Variants in TMPRSS15 observed in about 807,000 individuals in gnomAD.
TMPRSS15 encodes enteropeptidase.
In TMPRSS15, 128 loss-of-function variants were observed where a neutral mutation model predicts 125.3. The observed-to-expected ratio is 1.02, with a 90% CI of 0.89 to 1.18. TMPRSS15 has a LOEUF of 1.18. Ranked by LOEUF, TMPRSS15 falls within the 50% of genes most tolerant of loss-of-function variation. The pLI is 0.00. For missense variants in TMPRSS15, 1,283 were observed against 1,212.7 expected, an observed-to-expected ratio of 1.06 and a Z score of -0.86; for synonymous variants, 446 against 423.2, an observed-to-expected ratio of 1.05 and a Z score of -0.66.
intron 3 of TMPRSS15, among the ~76,000 whole-genome samples, chr21:18,392,874 A>T (rs981381119): frequency 6.6e-6 from 1 of 152,068 alleles, no homozygotes; most frequent in Non-Finnish European, 1.5e-5. Context: ...AAACCATCAG[A>T]TCTCATGAGA....
At chr21:18,391,986 G>T (rs1021026456) in intron 3 of TMPRSS15, among the ~76,000 whole-genome samples, 3 of 152,202 alleles carry the variant, frequency 2.0e-5, no homozygotes, top group African/African-American at 7.2e-5. Context: ...AGCCATGGCT[G>T]GAGCTGGAGT....
chr21:18,387,497 C>G (rs2075954015), intron 3 of TMPRSS15, among the ~76,000 whole-genome samples: 1 of 151,930 alleles, frequency 6.6e-6, no homozygotes, highest in Non-Finnish European at 1.5e-5. Context: ...TTAAAATAAT[C>G]AAATGCTAAA....
At chr21:18,437,443 A>G (rs555254087) in intron 1 of TMPRSS15, among the ~76,000 whole-genome samples, 9 of 152,304 alleles carry the variant, frequency 5.9e-5, no homozygotes, top group African/African-American at 2.2e-4. Context: ...AAACACAAAA[A>G]GCAATGGTAA....
intron 3 of TMPRSS15, among the ~76,000 whole-genome samples, chr21:18,393,766 T>C (rs527794901): frequency 1.2e-4 from 18 of 152,290 alleles, no homozygotes; most frequent in African/African-American, 4.3e-4. Flanking sequence ...TTAATGTCTG[T>C]TATAAATTAG....
intron 13 of TMPRSS15, among the ~76,000 whole-genome samples, chr21:18,334,579 C>T (rs2075374265): frequency 6.6e-6 from 1 of 152,076 alleles, no homozygotes; most frequent in African/African-American, 2.4e-5. Context: ...CTTTGCATTA[C>T]CTGCCATACT....
chr21:18,366,189 T>C (rs1293735156), intron 6 of TMPRSS15, among the ~76,000 whole-genome samples: 2 of 152,206 alleles, frequency 1.3e-5, no homozygotes, highest in Non-Finnish European at 2.9e-5. Context: ...AAATTGGAGC[T>C]AGGTGAATTT....
chr21:18,380,486 G>A, intron 4 of TMPRSS15: 5 of 462,318 alleles, frequency 1.1e-5, no homozygotes, highest in Admixed American at 4.8e-5. Flanking sequence ...TTTCCTAGGT[G>A]ATAGAGTTTG....
At chr21:18,464,997 T>A (rs896082735) in intron 1 of TMPRSS15, among the ~76,000 whole-genome samples, 2 of 152,170 alleles carry the variant, frequency 1.3e-5, no homozygotes, top group African/African-American at 4.8e-5. Flanking sequence ...TGAACATCGA[T>A]GTGAAAATCC....
At chr21:18,418,639 T>C (rs1166957857) in intron 1 of TMPRSS15, among the ~76,000 whole-genome samples, 1 of 152,228 alleles carries the variant, frequency 6.6e-6, no homozygotes, top group East Asian at 1.9e-4. Context: ...ACGTATTCTT[T>C]TGCTCTATAA....
chr21:18,397,149 C>T (rs928301989), intron 3 of TMPRSS15, among the ~76,000 whole-genome samples: 3 of 151,294 alleles, frequency 2.0e-5, no homozygotes, highest in African/African-American at 4.9e-5. Flanking sequence ...TTTAACTTTC[C>T]AGTTGACTTG....
chr21:18,405,013 C>T (rs1311785878), upstream of TMPRSS15, among the ~76,000 whole-genome samples: 2 of 152,042 alleles, frequency 1.3e-5, no homozygotes, highest in Non-Finnish European at 2.9e-5. Context: ...AGGCCAGACC[C>T]TCTGATAAAA....
At chr21:18,275,432 T>C (rs1459804262) in intron 23 of TMPRSS15, 96 bp from the exon 24 acceptor site, 27 of 1,434,936 alleles carry the variant, frequency 1.9e-5, no homozygotes, top group Non-Finnish European at 2.5e-5. Flanking sequence ...AACATTTCAC[T>C]CTCATTATCA....
chr21:18,281,001 T>C, intron 22 of TMPRSS15, 39 bp downstream of exon 22: 5 of 1,588,832 alleles, frequency 3.1e-6, no homozygotes, highest in Non-Finnish European at 4.3e-6. Context: ...GAATTAATTT[T>C]GGCAGATAAG....
At chr21:18,448,411 C>A (rs923183076) in intron 1 of TMPRSS15, among the ~76,000 whole-genome samples, 4 of 152,062 alleles carry the variant, frequency 2.6e-5, no homozygotes, top group African/African-American at 9.7e-5. Flanking sequence ...CATGGGCTAA[C>A]TAAGGAAACT....
At chr21:18,467,083 A>G (rs1284441511) in intron 1 of TMPRSS15, among the ~76,000 whole-genome samples, 1 of 152,220 alleles carries the variant, frequency 6.6e-6, no homozygotes, top group Non-Finnish European at 1.5e-5. Flanking sequence ...GCAGCCATAA[A>G]AAAGGATGCG....
chr21:18,329,752 T>A (rs2075326649), intron 14 of TMPRSS15, among the ~76,000 whole-genome samples: 1 of 151,670 alleles, frequency 6.6e-6, no homozygotes, highest in Non-Finnish European at 1.5e-5. Flanking sequence ...TTATTTACAT[T>A]TAGTTCATTA....
chr21:18,303,403 G>T (rs1186224700), intron 18 of TMPRSS15, among the ~76,000 whole-genome samples: 1 of 151,842 alleles, frequency 6.6e-6, no homozygotes, highest in African/African-American at 2.4e-5. Flanking sequence ...AAGGGAGGGA[G>T]GAAAAAGGGG....
intron 1 of TMPRSS15, among the ~76,000 whole-genome samples, chr21:18,461,950 A>C (rs1353959485): frequency 6.6e-6 from 1 of 151,966 alleles, no homozygotes; most frequent in Non-Finnish European, 1.5e-5. Context: ...GCATATATTA[A>C]ATTTTTTAAA....
At chr21:18,373,685 G>C (rs1414430637) in intron 5 of TMPRSS15, among the ~76,000 whole-genome samples, 1 of 152,112 alleles carries the variant, frequency 6.6e-6, no homozygotes, top group African/African-American at 2.4e-5. Context: ...ATGAATTTGG[G>C]ATACAGCTAG....
Sources: allele counts gnomAD v4.1 joint callset (sites outside exome capture counted in the v4.1 genomes callset), GRCh38; gene constraint gnomAD v4.1.1; transcripts MANE v1.5; gene names NCBI Gene and HGNC (gene_info 2026-07-23, HGNC 2026-07-21).